The following MACROD2 variants were observed in gnomAD, a reference collection of about 807,000 sequenced individuals.
The protein encoded by MACROD2 is ADP-ribose glycohydrolase MACROD2.
MACROD2 carries 36 observed loss-of-function variants against 70.4 expected under a neutral mutation model. The ratio of observed to expected loss-of-function variants is 0.51; its 90% confidence interval spans 0.39 to 0.68. The LOEUF is 0.68. Ranked by LOEUF, MACROD2 falls within the 30% of genes least tolerant of loss-of-function variation. The probability of loss-of-function intolerance (pLI) is 0.00; values close to 1 mark genes in which losing one functional copy is unlikely to be tolerated. For synonymous variants in MACROD2, 172 were observed against 178.8 expected (o/e 0.96, Z 0.30); for missense variants, 496 against 538.4 (o/e 0.92, Z 0.78).
intron 4 of MACROD2, among the ~76,000 whole-genome samples, chr20:14,605,996 T>C (rs2123416130): frequency 6.6e-6 from 1 of 152,156 alleles, no homozygotes; most frequent in East Asian, 1.9e-4. Flanking sequence ...CACTGTTGCT[T>C]GGTTGCTCTT....
chr20:14,285,684 G>A (rs1428136018), intron 3 of MACROD2, among the ~76,000 whole-genome samples: 1 of 151,950 alleles, frequency 6.6e-6, no homozygotes, highest in African/African-American at 2.4e-5. Flanking sequence ...TCACTTTATG[G>A]GAAGGTTGTA....
chr20:15,679,550 G>T (rs913624770), intron 8 of MACROD2, among the ~76,000 whole-genome samples: 2 of 152,188 alleles, frequency 1.3e-5, no homozygotes, highest in Admixed American at 6.5e-5. Context: ...CAGAAGTGAT[G>T]CTGTGCAGGT....
At chr20:14,018,170 TCTTA>T in intron 2 of MACROD2, among the ~76,000 whole-genome samples, 1 of 152,168 alleles carries the variant, frequency 6.6e-6, no homozygotes, top group South Asian at 2.1e-4. Flanking sequence ...GTGTACTCTT[TCTTA>T]TTTTCTTAAT....
intron 8 of MACROD2, among the ~76,000 whole-genome samples, chr20:15,655,832 G>A (rs2049721590): frequency 6.6e-6 from 1 of 152,090 alleles, no homozygotes; most frequent in African/African-American, 2.4e-5. Flanking sequence ...TCCTGAATAT[G>A]GTGTATATCT....
At chr20:15,587,250 T>C (rs567471657) in intron 8 of MACROD2, among the ~76,000 whole-genome samples, 38 of 152,280 alleles carry the variant, frequency 2.5e-4, no homozygotes, top group African/African-American at 1.7e-4. Context: ...TTGTGAGACT[T>C]ACTCCCTATC....
chr20:15,617,667 G>A (rs2049057755), intron 8 of MACROD2, among the ~76,000 whole-genome samples: 1 of 152,174 alleles, frequency 6.6e-6, no homozygotes, highest in African/African-American at 2.4e-5. Context: ...TAAATAGTAG[G>A]TATAGGCATA....
At chr20:14,229,078 G>A (rs971221577) in intron 3 of MACROD2, among the ~76,000 whole-genome samples, 2 of 151,890 alleles carry the variant, frequency 1.3e-5, no homozygotes, top group African/African-American at 2.4e-5. Flanking sequence ...CCAACTATAT[G>A]TTCAACATAT....
At chr20:14,534,841 G>A (rs976006543) in intron 4 of MACROD2, among the ~76,000 whole-genome samples, 1 of 150,676 alleles carries the variant, frequency 6.6e-6, no homozygotes, top group Non-Finnish European at 1.5e-5. Flanking sequence ...CATTTTCAAG[G>A]GGCTTAACAT....
chr20:14,782,671 C>A (rs1309057367), intron 5 of MACROD2, among the ~76,000 whole-genome samples: 1 of 152,128 alleles, frequency 6.6e-6, no homozygotes, highest in African/African-American at 2.4e-5. Context: ...GAGACCTCCA[C>A]AGGGTTGGCG....
chr20:14,540,896 T>C (rs559779086), intron 4 of MACROD2, among the ~76,000 whole-genome samples: 2 of 152,338 alleles, frequency 1.3e-5, no homozygotes, highest in Middle Eastern at 3.4e-3. Flanking sequence ...CATGTTCTCA[T>C]TCTTCATATA....
At chr20:14,025,819 C>A (rs542062143) in intron 2 of MACROD2, among the ~76,000 whole-genome samples, 1 of 152,002 alleles carries the variant, frequency 6.6e-6, no homozygotes, top group East Asian at 1.9e-4. Flanking sequence ...ATGTATATTC[C>A]GTTTATTTGG....
intron 5 of MACROD2, chr20:14,850,070 C>A: frequency 2.1e-6 from 1 of 470,628 alleles, no homozygotes; most frequent in Non-Finnish European, 4.2e-6. Flanking sequence ...AATGAAATCT[C>A]AATACTTGTG....
intron 8 of MACROD2, among the ~76,000 whole-genome samples, chr20:15,595,520 C>G (rs1158653394): frequency 6.6e-6 from 1 of 152,082 alleles, no homozygotes; most frequent in East Asian, 1.9e-4. Flanking sequence ...AATACTTAAT[C>G]TAAATGTTCA....
chr20:14,390,477 C>T (rs1600190939), intron 3 of MACROD2, among the ~76,000 whole-genome samples: 1 of 152,210 alleles, frequency 6.6e-6, no homozygotes, highest in African/African-American at 2.4e-5. Context: ...GGCATCATGC[C>T]ACCTGACTTC....
chr20:14,222,964 G>A (rs554423253), intron 3 of MACROD2: 56 of 152,274 alleles, frequency 3.7e-4, no homozygotes, highest in Non-Finnish European at 7.2e-4. Context: ...GAAACAAGAA[G>A]GACAAGTGAT....
At position 14,778,675 on chromosome 20, in the gene MACROD2, T is replaced by G. The variant is rs6105324; in HGVS notation, c.418+93716T>G. On this transcript the variant is annotated intron_variant, in intron 5 of 17. Coordinates refer to ENST00000684519, the MANE Select transcript of MACROD2 (RefSeq NM_001351661.2). ...CATCAAATTATATTGCTTCTCAAGA[T>G]GCAGTTAAAGTGATTTGGGATGTGC... Among the ~76,000 whole-genome samples the G allele has an allele frequency of 3.3e-3, 509 of 152,222 alleles. 5 individuals are homozygous for G. Among genetic ancestry groups the G allele is most frequent in the African/African-American group, 0.011 (470 of 41,498 alleles).
At chr20:14,758,399 G>A (rs1398175893) in intron 5 of MACROD2, among the ~76,000 whole-genome samples, 3 of 152,196 alleles carry the variant, frequency 2.0e-5, no homozygotes, top group South Asian at 2.1e-4. Flanking sequence ...TGAGCTTCAC[G>A]GCTTATTAAA....
intron 9 of MACROD2, among the ~76,000 whole-genome samples, chr20:15,873,042 ATAATAATTTT>A (rs1175258775): frequency 6.6e-6 from 1 of 152,240 alleles, no homozygotes; most frequent in Admixed American, 6.5e-5. Flanking sequence ...TTGCTTATAA[ATAATAATTTT>A]TAAAAATCAT....
chr20:14,811,649 C>T (rs566288740), intron 5 of MACROD2, among the ~76,000 whole-genome samples: 1 of 152,124 alleles, frequency 6.6e-6, no homozygotes, highest in African/African-American at 2.4e-5. Flanking sequence ...AGGCAACCTA[C>T]AGAATAGGAG....
Sources: allele counts gnomAD v4.1 joint callset (sites outside exome capture counted in the v4.1 genomes callset), GRCh38; gene constraint gnomAD v4.1.1; transcripts MANE v1.5; gene names NCBI Gene and HGNC (gene_info 2026-07-23, HGNC 2026-07-21).